The following CDC40 variants were observed in gnomAD, a reference collection of about 807,000 sequenced individuals.
CDC40 encodes the protein pre-mRNA-processing factor 17.
Under a neutral mutation model 80.6 loss-of-function variants are expected in CDC40, and 27 were observed. The observed-to-expected ratio is 0.33, with a 90% CI of 0.25 to 0.46. The LOEUF (loss-of-function observed/expected upper bound fraction) is 0.46. CDC40 is among the 20% of genes least tolerant of loss of function. The probability of loss-of-function intolerance (pLI) is 1.00; values close to 1 mark genes in which losing one functional copy is unlikely to be tolerated. For missense variants in CDC40, 486 were observed against 694.1 expected (o/e 0.70, Z 3.37); for synonymous variants, 221 against 232.6 (o/e 0.95, Z 0.45).
At chr6:110,220,538 G>C (rs974818744) in intron 12 of CDC40, among the ~76,000 whole-genome samples, 1 of 149,284 alleles carries the variant, frequency 6.7e-6, no homozygotes, top group East Asian at 2.0e-4. Flanking sequence ...TCCGCCTCCC[G>C]GGTTCACGCC....
intron 3 of CDC40, 58 bp from the exon 4 acceptor site, chr6:110,207,448 A>T (rs1056840232): frequency 1.5e-5 from 13 of 862,304 alleles, no homozygotes; most frequent in Non-Finnish European, 2.5e-5. Context: ...GTATTATAAT[A>T]ATAAAATGAA....
chr6:110,201,697 T>C lies in CDC40; in HGVS notation c.406+10T>C, dbSNP rs1233633125. 5.0e-6 allele frequency: 8 copies of C among 1,612,238 alleles called. No homozygotes were observed. The highest frequency in any genetic ancestry group is 6.8e-6 in the Non-Finnish European group (8 of 1,178,784). On this transcript the variant is annotated intron_variant, in intron 3 of 14. Coordinates refer to ENST00000307731, the MANE Select transcript of CDC40 (RefSeq NM_015891.3). ...ACTTTTGCAACATATGGTAAGGTGA[T>C]AAGACTTAAGCAGTTTCAATTTTGG...
rs141341939 is a variant in CDC40, at chr6:110,219,380, A to G, written c.1107A>G (p.Arg369=). 7.8e-4 allele frequency: 1,231 copies of G among 1,570,102 alleles called. 3 individuals are homozygous for G. Among genetic ancestry groups the G allele is most frequent in the Non-Finnish European group, 1.0e-3 (1,161 of 1,141,500 alleles). ...WDTETGQCIS[R]FTNRKVPYCV... is the part of the protein sequence containing the mutation. ...TGGTTTTAGGACAGTGTATATCAAG[A>G]TTTACAAACCGAAAAGTACCTTATT... Residue 369 remains arginine (R), a synonymous_variant, in exon 11 of 15, where the codon AGA becomes AGG. Transcript: ENST00000307731.
At chr6:110,213,283 C>A (rs1454594535) in intron 8 of CDC40, 123 bp downstream of exon 8, 1 of 648,842 alleles carries the variant, frequency 1.5e-6, no homozygotes, top group African/African-American at 1.8e-5. Flanking sequence ...TCTCTTAGAT[C>A]CTGTAAATGC....
At chr6:110,213,911 T>C (rs1184016765) in intron 8 of CDC40, among the ~76,000 whole-genome samples, 3 of 152,064 alleles carry the variant, frequency 2.0e-5, no homozygotes, top group Non-Finnish European at 4.4e-5. Context: ...ATGCAGGATG[T>C]CTTGAAAAAA....
intron 8 of CDC40, among the ~76,000 whole-genome samples, chr6:110,214,361 A>G (rs958922820): frequency 6.6e-6 from 1 of 152,208 alleles, no homozygotes; most frequent in Admixed American, 6.5e-5. Context: ...TGATCATTTT[A>G]TTATGATATA....
At chr6:110,193,051 G>T in intron 1 of CDC40, 131 bp from the exon 2 acceptor site, 1 of 531,568 alleles carries the variant, frequency 1.9e-6, no homozygotes, top group Non-Finnish European at 3.4e-6. Context: ...AATTTTATTA[G>T]AATTATTAAT....
chr6:110,183,588 C>T (rs1777227844), intron 1 of CDC40, among the ~76,000 whole-genome samples: 1 of 152,136 alleles, frequency 6.6e-6, no homozygotes, highest in South Asian at 2.1e-4. Context: ...TATGAACCAA[C>T]ACTTGTTTAT....
chr6:110,182,962 T>C (rs1777219602), intron 1 of CDC40, among the ~76,000 whole-genome samples: 1 of 152,216 alleles, frequency 6.6e-6, no homozygotes, highest in Non-Finnish European at 1.5e-5. Flanking sequence ...TTTCTAAGTT[T>C]TTTTGGTAGC....
Position 110,180,605 on chromosome 6 carries a change from T to C in CDC40, c.161T>C (p.Val54Ala), listed in dbSNP as rs1019483286. The part of the protein sequence containing the change: ...PSSKPSLAVA[V>A]DSAPEVAVKE... ...TCAAAGCCGTCTCTAGCAGTGGCAG[T>C]GGACTCGGCTCCGGAGGTGGCAGTT... Residue 54 changes from valine to alanine, a missense_variant, in exon 1 of 15, where the codon GTG (valine) becomes GCG (alanine). Physicochemically the swap from Val to Ala is moderately conservative, Grantham distance 64. Coordinates refer to ENST00000307731, the MANE Select transcript of CDC40 (RefSeq NM_015891.3). 2 of 1,613,688 alleles carry C rather than the reference T, an allele frequency of 1.2e-6. No homozygotes were observed. The highest frequency in any genetic ancestry group is 1.3e-5 in the African/African-American group (1 of 74,928).
At position 110,217,724 on chromosome 6, in the gene CDC40, T is replaced by C. The variant is rs572112316; in HGVS notation, c.1011T>C (p.Asp337=). ...TAGGTCACAGTAAGGCTGTTAGGGATATCTGCTTCAATACTGCAGGAACAC... is the reference window on the plus strand; with the variant it reads ...TAGGTCACAGTAAGGCTGTTAGGGACATCTGCTTCAATACTGCAGGAACAC... ...TFIGHSKAVR[D]ICFNTAGTQF... The change falls in exon 10 of 15, where the codon GAT becomes GAC. Residue 337 remains aspartate, a synonymous_variant. Coordinates refer to ENST00000307731, the MANE Select transcript of CDC40 (RefSeq NM_015891.3). 1 of 1,595,404 alleles carries C rather than the reference T, an allele frequency of 6.3e-7. No homozygotes were observed. The highest frequency in any genetic ancestry group is 2.2e-5 in the East Asian group (1 of 44,754).
intron 13 of CDC40, among the ~76,000 whole-genome samples, chr6:110,227,001 C>A (rs557942072): frequency 6.6e-6 from 1 of 151,926 alleles, no homozygotes; most frequent in South Asian, 2.1e-4. Context: ...GAGCAAGACC[C>A]TTCTCTCTAA....
At chr6:110,220,502 T>G (rs1584081594) in intron 12 of CDC40, among the ~76,000 whole-genome samples, 2 of 138,076 alleles carry the variant, frequency 1.4e-5, no homozygotes, top group Non-Finnish European at 1.5e-5. Flanking sequence ...CAGGCTGCAG[T>G]GGCGCAATCT....
chr6:110,215,393 T>C, intron 9 of CDC40, 62 bp downstream of exon 9: 1 of 1,305,892 alleles, frequency 7.7e-7, no homozygotes, highest in Non-Finnish European at 1.1e-6. Flanking sequence ...GATAACATCA[T>C]TGACAATAAC....
At position 110,219,484 on chromosome 6, in the gene CDC40, G is replaced by A; in HGVS notation, c.1206+5G>A. On this transcript the variant is annotated splice_donor_5th_base_variant and intron_variant, in intron 11 of 14. Transcript: ENST00000307731. Reference sequence around the variant, plus strand: ...TCTGATAAGAAGATTGTGCAAGTAAGTCTTTCACAGTATTTTGTTAAGACT... The same window carrying A: ...TCTGATAAGAAGATTGTGCAAGTAAATCTTTCACAGTATTTTGTTAAGACT... The A allele has an allele frequency of 6.8e-7, 1 of 1,477,554 alleles. No homozygotes were observed. The highest frequency in any genetic ancestry group is 9.5e-7 in the Non-Finnish European group (1 of 1,056,270). The allele number at this position is 1,477,554 out of a possible 1,614,324, so 91.5% of individuals were successfully genotyped here. A position where few individuals can be genotyped will look rare whatever the true frequency, so the allele number is the denominator to read the frequency against.
At chr6:110,228,697 A>G (rs1375933788) in intron 13 of CDC40, 135 bp from the exon 14 acceptor site, 7 of 603,750 alleles carry the variant, frequency 1.2e-5, no homozygotes, top group Non-Finnish European at 1.9e-5. Flanking sequence ...CAGGTGGTAT[A>G]GTAAATTTAT....
At chr6:110,219,681 C>G (rs913005256) in intron 11 of CDC40, 55 bp from the exon 12 acceptor site, 4 of 1,567,686 alleles carry the variant, frequency 2.6e-6, no homozygotes, top group Non-Finnish European at 3.5e-6. Context: ...GAATTATGGT[C>G]TTTCATAAAT....
At chr6:110,225,923 A>T (rs1777852153) in intron 12 of CDC40, among the ~76,000 whole-genome samples, 1 of 152,232 alleles carries the variant, frequency 6.6e-6, no homozygotes, top group Non-Finnish European at 1.5e-5. Flanking sequence ...AATGAAATAG[A>T]AAACAAAATC....
At chr6:110,216,809 AGAGTT>A (rs1469621270) in intron 9 of CDC40, among the ~76,000 whole-genome samples, 2 of 152,218 alleles carry the variant, frequency 1.3e-5, no homozygotes, top group African/African-American at 4.8e-5. Context: ...AACTTTTAAA[AGAGTT>A]GAGTGAACTG....
Sources: gnomAD v4.1 joint callset for allele counts (sites outside exome capture counted in the v4.1 genomes callset) on GRCh38, gnomAD v4.1.1 for gene constraint, MANE v1.5 for transcripts, NCBI Gene and HGNC (gene_info 2026-07-23, HGNC 2026-07-21) for gene names.